The following NAV3 variants were observed in gnomAD, a reference collection of about 807,000 sequenced individuals.
NAV3 encodes pore membrane and/or filament interacting like protein 1.
A neutral mutation model predicts 244.7 loss-of-function variants in NAV3; 87 were observed. The ratio of observed to expected loss-of-function variants is 0.36; its 90% CI spans 0.30 to 0.42. The LOEUF (loss-of-function observed/expected upper bound fraction) is 0.42, where lower values mean the gene tolerates loss of function less well. Among genes scored for constraint, NAV3 ranks in the 20% least tolerant of loss-of-function variants. The pLI is 1.00. For missense variants in NAV3, 2,663 were observed against 2,893.3 expected, an observed-to-expected ratio of 0.92 and a Z score of 1.83; for synonymous variants, 1,126 against 1,042.2, an observed-to-expected ratio of 1.08 and a Z score of -1.55.
At chr12:77,986,426 A>C (rs1870518305) in intron 5 of NAV3, among the ~76,000 whole-genome samples, 1 of 152,208 alleles carries the variant, frequency 6.6e-6, no homozygotes, top group Non-Finnish European at 1.5e-5. Context: ...TTACCACAAT[A>C]AATAAGCATA....
chr12:77,840,756 T>G (rs1042083039), intron 1 of NAV3, among the ~76,000 whole-genome samples: 1 of 152,198 alleles, frequency 6.6e-6, no homozygotes, highest in Non-Finnish European at 1.5e-5. Flanking sequence ...TAGCAACTGA[T>G]CTCAGAGAGA....
chr12:78,124,423 T>C (rs1392903721), intron 16 of NAV3, among the ~76,000 whole-genome samples: 3 of 138,440 alleles, frequency 2.2e-5, no homozygotes, highest in Non-Finnish European at 4.6e-5. Flanking sequence ...GTCTTTGAAA[T>C]AGGCCAATTT....
At chr12:77,697,824 T>C (rs1318261675) in intron 2 of NAV3, among the ~76,000 whole-genome samples, 1 of 152,178 alleles carries the variant, frequency 6.6e-6, no homozygotes, top group Non-Finnish European at 1.5e-5. Flanking sequence ...AGAAAATAGA[T>C]GTGTGAACGA....
chr12:78,041,239 C>T (rs1880804431), intron 9 of NAV3, among the ~76,000 whole-genome samples: 1 of 152,114 alleles, frequency 6.6e-6, no homozygotes, highest in South Asian at 2.1e-4. Context: ...ATATTTACTT[C>T]AGGAAAGTTT....
chr12:78,199,432 C>T lies in NAV3; in HGVS notation c.6616C>T (p.Arg2206Cys), dbSNP rs371772901. Residue 2206 changes from arginine to cysteine, a missense_variant, in exon 37 of 40, where the codon CGC becomes TGC. Arg to Cys is a radical substitution (Grantham distance 180). Coordinates refer to ENST00000397909, the MANE Select transcript of NAV3 (RefSeq NM_001024383.2). ...LIEIEIERNIRNNDLVKIIDW... is the reference protein window; with the variant it reads ...LIEIEIERNICNNDLVKIIDW... ...AGAGATAGAAATTGAAAGGAACATT[C>T]GCAATAATGACCTAGTCAAAATTAT... is the stretch of plus-strand genomic sequence containing the variant. 13 of 1,610,000 alleles carry T rather than the reference C, an allele frequency of 8.1e-6. No homozygotes were observed. Among genetic ancestry groups the T allele is most frequent in the African/African-American group, 2.7e-5 (2 of 74,622 alleles).
intron 2 of NAV3, among the ~76,000 whole-genome samples, chr12:77,721,291 T>C (rs777439560): frequency 2.6e-5 from 4 of 152,128 alleles, no homozygotes; most frequent in Non-Finnish European, 5.9e-5. Context: ...ATCCAAAAGA[T>C]GTAGATGTTG....
intron 2 of NAV3, among the ~76,000 whole-genome samples, chr12:77,598,087 A>G (rs910414550): frequency 1.3e-5 from 2 of 152,112 alleles, no homozygotes; most frequent in Admixed American, 6.6e-5. Flanking sequence ...AAATTGTAAA[A>G]ATAGATACCC....
intron 12 of NAV3, among the ~76,000 whole-genome samples, chr12:78,075,201 T>C (rs556064331): frequency 6.6e-6 from 1 of 152,284 alleles, no homozygotes; most frequent in South Asian, 2.1e-4. Flanking sequence ...AAACATAGTG[T>C]TGTGAGAAAT....
At chr12:78,205,573 G>T (rs1294114318) in intron 39 of NAV3, among the ~76,000 whole-genome samples, 8 of 151,816 alleles carry the variant, frequency 5.3e-5, no homozygotes, top group Non-Finnish European at 1.2e-4. Context: ...TTATAGAATG[G>T]GTCTTCTCTT....
intron 5 of NAV3, among the ~76,000 whole-genome samples, chr12:77,969,329 A>C (rs1245607985): frequency 6.6e-6 from 1 of 152,104 alleles, no homozygotes; most frequent in Non-Finnish European, 1.5e-5. Flanking sequence ...ATAGAATTAT[A>C]TCAATCAGTG....
intron 20 of NAV3, chr12:78,143,246 C>A: frequency 2.6e-6 from 1 of 384,988 alleles, no homozygotes; most frequent in Admixed American, 3.2e-5. Flanking sequence ...ACCCATTTGT[C>A]TCCGGATGTC....
chr12:78,040,348 A>G (rs1030956702), intron 9 of NAV3, among the ~76,000 whole-genome samples: 1 of 152,182 alleles, frequency 6.6e-6, no homozygotes, highest in African/African-American at 2.4e-5. Flanking sequence ...GTCATGATGA[A>G]AAAAACCTAA....
At position 78,162,571 on chromosome 12, in the gene NAV3, T is replaced by C. The variant is rs557047016; in HGVS notation, c.4869+3285T>C. Among the ~76,000 whole-genome samples, 103 of 151,786 alleles carry C rather than the reference T, an allele frequency of 6.8e-4. 1 individual carries two copies. In the South Asian group the frequency reaches 0.02, roughly 29 times the overall value. ...GAGGTCACAGATGATAATAAAAATA[T>C]AATTAAAACAGGCCAGGTGTGGTGA... On this transcript the variant is annotated intron_variant, in intron 23 of 39. Coordinates refer to ENST00000397909, the MANE Select transcript of NAV3 (RefSeq NM_001024383.2).
rs1242236542 is a variant in NAV3, at chr12:77,940,440, A to C, written c.361+4A>C. 1 of 1,603,134 alleles carries C rather than the reference A, an allele frequency of 6.2e-7. No individual in the cohort carries two copies. The highest frequency in any genetic ancestry group is 2.2e-5 in the East Asian group (1 of 44,826). On this transcript the variant is annotated splice_donor_region_variant and intron_variant, in intron 2 of 39. Transcript: ENST00000397909. ...GCAGAAATCATCCAGATTATTGGTA[A>C]GCCCTTCCTTCTGAAAGAAAGCATG...
chr12:78,057,216 T>C (rs1038972238), intron 11 of NAV3, among the ~76,000 whole-genome samples: 1 of 152,190 alleles, frequency 6.6e-6, no homozygotes, highest in Admixed American at 6.5e-5. Context: ...GAAGTTATCT[T>C]CAGGTGTCAC....
intron 22 of NAV3, among the ~76,000 whole-genome samples, chr12:78,151,078 A>G (rs563113716): frequency 9.9e-5 from 15 of 152,104 alleles, no homozygotes; most frequent in African/African-American, 3.6e-4. Flanking sequence ...AAAAATAAAA[A>G]TAAGGAACAC....
chr12:78,080,943 C>G (rs902969539), intron 12 of NAV3, among the ~76,000 whole-genome samples: 1 of 152,174 alleles, frequency 6.6e-6, no homozygotes, highest in Non-Finnish European at 1.5e-5. Context: ...ATCCTGTCAA[C>G]CACAGGCAAT....
chr12:77,833,232 G>A (rs962264130), intron 1 of NAV3, among the ~76,000 whole-genome samples: 2 of 152,206 alleles, frequency 1.3e-5, no homozygotes, highest in Admixed American at 6.5e-5. Context: ...TAGAAGGCAG[G>A]TCTCGTATCT....
chr12:77,788,553 G>C (rs188605637), intron 2 of NAV3, among the ~76,000 whole-genome samples: 56 of 150,860 alleles, frequency 3.7e-4, no homozygotes, highest in African/African-American at 1.3e-3. Flanking sequence ...GAATCTGTCA[G>C]TATACTTTGA....
Sources: gnomAD v4.1 joint callset for allele counts (sites outside exome capture counted in the v4.1 genomes callset) on GRCh38, gnomAD v4.1.1 for gene constraint, MANE v1.5 for transcripts, NCBI Gene and HGNC (gene_info 2026-07-23, HGNC 2026-07-21) for gene names.